MYLK4: variants seen among roughly 807,000 people sequenced by gnomAD.
MYLK4 encodes caMLCK like.
A neutral mutation model predicts 48.1 loss-of-function variants in MYLK4; 46 were observed. The ratio of observed to expected loss-of-function variants is 0.96; its 90% CI spans 0.75 to 1.22. The LOEUF (loss-of-function observed/expected upper bound fraction) is 1.22. MYLK4 is among the 50% of genes most tolerant of loss of function. The pLI, the probability that MYLK4 is intolerant of heterozygous loss-of-function variation, is 0.00. For missense variants in MYLK4, 451 were observed against 486.1 expected (o/e 0.93, Z 0.68); for synonymous variants, 170 against 180.8 (o/e 0.94, Z 0.48).
At chr6:2,742,050 C>T (rs1018850121) in intron 2 of MYLK4, among the ~76,000 whole-genome samples, 1 of 151,970 alleles carries the variant, frequency 6.6e-6, no homozygotes, top group Non-Finnish European at 1.5e-5. Context: ...TTAGGTCAGA[C>T]CTAAAGAGAA....
chr6:2,769,329 T>C, the MYLK4 span, among the ~76,000 whole-genome samples: 2 of 152,204 alleles, frequency 1.3e-5, no homozygotes, highest in Admixed American at 6.5e-5. Flanking sequence ...TTGGAAGAGC[T>C]AATGATTACT....
chr6:2,760,170 T>C, the MYLK4 span, among the ~76,000 whole-genome samples: 2 of 151,748 alleles, frequency 1.3e-5, no homozygotes, highest in African/African-American at 4.9e-5. Context: ...AAAAAAGCAA[T>C]ACAGTATAAT....
Position 2,685,250 on chromosome 6 carries a change from T to G in MYLK4, c.545+46A>C. ...AGCTACTGAGGCACGGTCACGGTCA[T>G]GAGTGCCCTTGGGGAGGTCAGGGAG... On this transcript the variant is annotated intron_variant, in intron 6 of 12. Coordinates refer to ENST00000274643, the MANE Select transcript of MYLK4 (RefSeq NM_001012418.5). This position sits in a 1 kb window ranked among gnomAD's most constrained non-coding sequence, Gnocchi z 4.5. 1 of 1,422,442 alleles carries G rather than the reference T, an allele frequency of 7.0e-7. No homozygotes were observed. 88.1% of individuals were successfully genotyped at this position (1,422,442 alleles called of 1,614,324 possible).
At chr6:2,725,464 G>A (rs1763223985) in intron 2 of MYLK4, among the ~76,000 whole-genome samples, 1 of 151,336 alleles carries the variant, frequency 6.6e-6, no homozygotes, top group Non-Finnish European at 1.5e-5. Context: ...GACACAGTAA[G>A]GCCCCATCTC....
intron 9 of MYLK4, 144 bp from the exon 10 acceptor site, chr6:2,678,516 T>A (rs4959699): frequency 1.1e-6 from 1 of 880,164 alleles, no homozygotes; most frequent in Non-Finnish European, 1.7e-6. Context: ...CATATTATTG[T>A]AATCAAGAAA....
chr6:2,689,525 G>A (rs1278478237), intron 3 of MYLK4, among the ~76,000 whole-genome samples: 4 of 152,162 alleles, frequency 2.6e-5, no homozygotes, highest in African/African-American at 9.7e-5. Flanking sequence ...ATAAAACCAG[G>A]TAAGTGTGTA....
chr6:2,722,230 A>C (rs1224964375), intron 2 of MYLK4, among the ~76,000 whole-genome samples: 2 of 152,230 alleles, frequency 1.3e-5, no homozygotes, highest in Admixed American at 1.3e-4. Context: ...ATAAATCTGA[A>C]GGCATGTAGA....
At chr6:2,765,642 A>G in the MYLK4 span, 1 of 1,542,848 alleles carries the variant, frequency 6.5e-7, no homozygotes, top group Non-Finnish European at 8.7e-7. Context: ...AGCGGGCCGG[A>G]AGACGACCCC....
At chr6:2,762,651 G>A in the MYLK4 span, among the ~76,000 whole-genome samples, 11 of 152,306 alleles carry the variant, frequency 7.2e-5, no homozygotes, top group Admixed American at 4.6e-4. Context: ...TTATGTGCTC[G>A]CAGTCAATGA....
At chr6:2,718,778 GGTTA>G (rs1762959960) in intron 2 of MYLK4, among the ~76,000 whole-genome samples, 1 of 152,154 alleles carries the variant, frequency 6.6e-6, no homozygotes, top group South Asian at 2.1e-4. Flanking sequence ...ATACTGGTGT[GGTTA>G]GTAAGAATCA....
chr6:2,762,903 C>T, the MYLK4 span, among the ~76,000 whole-genome samples: 4 of 152,194 alleles, frequency 2.6e-5, no homozygotes, highest in African/African-American at 9.7e-5. Flanking sequence ...AATAAAGCTA[C>T]AAGTCTCCAC....
At chr6:2,765,910 T>C in the MYLK4 span, 465,011 of 1,447,972 alleles carry the variant, frequency 0.32, 75,789 homozygotes, top group South Asian at 0.42. Context: ...AGGGCGAGGG[T>C]GAGGAGGGCG....
chr6:2,719,677 G>C (rs1762998379), intron 2 of MYLK4, among the ~76,000 whole-genome samples: 1 of 151,866 alleles, frequency 6.6e-6, no homozygotes, highest in African/African-American at 2.4e-5. Context: ...TTCAAGTTCA[G>C]GTAGATTACA....
At chr6:2,727,299 A>G (rs535242938) in intron 2 of MYLK4, among the ~76,000 whole-genome samples, 1 of 152,186 alleles carries the variant, frequency 6.6e-6, no homozygotes, top group South Asian at 2.1e-4. Context: ...GCCCACAAGG[A>G]AAGAGAAGAC....
intron 11 of MYLK4, among the ~76,000 whole-genome samples, chr6:2,674,284 G>A (rs1297915042): frequency 3.9e-5 from 6 of 152,132 alleles, no homozygotes; most frequent in South Asian, 2.1e-4. Context: ...ATAGATACCC[G>A]GACTAAGCTG....
At chr6:2,740,177 G>A (rs1414655673) in intron 2 of MYLK4, among the ~76,000 whole-genome samples, 1 of 152,220 alleles carries the variant, frequency 6.6e-6, no homozygotes, top group Admixed American at 6.5e-5. Flanking sequence ...GTAAAGTGGA[G>A]GAAATAGTAC....
intron 2 of MYLK4, among the ~76,000 whole-genome samples, chr6:2,710,661 T>C (rs1157583100): frequency 6.8e-6 from 1 of 147,746 alleles, no homozygotes. Context: ...CCCATCTCCT[T>C]GGCTGCAGCA....
In MYLK4 at chr6:2,665,285, C is replaced by A. The variant is rs1345260941; in HGVS notation, c.*2640G>T. 1 of 152,358 alleles carries A rather than the reference C, an allele frequency of 6.6e-6. No homozygotes were observed. Among genetic ancestry groups the A allele is most frequent in the African/African-American group, 2.4e-5 (1 of 41,468 alleles). 9.4% of individuals were successfully genotyped at this position (152,358 alleles called of 1,614,324 possible). On this transcript the variant is annotated 3_prime_UTR_variant, in exon 13 of 13. Transcript: ENST00000274643. ...TTACCAGCTCTCGCTGGAGCAGCCA[C>A]ACAAGGACATGGAGCAGGGGCGGGA...
intron 2 of MYLK4, among the ~76,000 whole-genome samples, chr6:2,697,454 A>T (rs13211557): frequency 6.6e-6 from 1 of 152,094 alleles, no homozygotes; most frequent in Non-Finnish European, 1.5e-5. Flanking sequence ...ATTTACTGCC[A>T]TAGGATCCAG....
Sources: allele counts gnomAD v4.1 joint callset (sites outside exome capture counted in the v4.1 genomes callset), GRCh38; gene constraint gnomAD v4.1.1; non-coding constraint Gnocchi (gnomAD v3.1); transcripts MANE v1.5; gene names NCBI Gene and HGNC (gene_info 2026-07-23, HGNC 2026-07-21).